Variants in CLPX observed in about 807,000 individuals in gnomAD.
CLPX encodes caseinolytic mitochondrial matrix peptidase chaperone subunit X.
A neutral mutation model predicts 76.4 loss-of-function variants in CLPX; 34 were observed. That is an observed-to-expected ratio of 0.45 (90% confidence interval 0.34 to 0.59). The LOEUF is 0.59. Ranked by LOEUF, CLPX falls within the 20% of genes least tolerant of loss-of-function variation. The pLI is 0.01. For synonymous variants in CLPX, 248 were observed against 270.9 expected, an observed-to-expected ratio of 0.92 and a Z score of 0.83; for missense variants, 613 against 757.0, an observed-to-expected ratio of 0.81 and a Z score of 2.23.
At chr15:65,174,903 C>T (rs1005365472) in intron 3 of CLPX, among the ~76,000 whole-genome samples, 6 of 152,128 alleles carry the variant, frequency 3.9e-5, no homozygotes, top group East Asian at 3.9e-4. Flanking sequence ...GCTCTCAAAA[C>T]GCTGCGTACT....
At position 65,185,030 on chromosome 15, in the gene CLPX, C is replaced by A. The variant is rs76636977; in HGVS notation, c.79+45G>T. 5.6e-4 allele frequency: 829 copies of A among 1,490,000 alleles called. 11 individuals carry two copies. In the South Asian group the frequency reaches 7.7e-3, roughly 14 times the overall value. The allele number at this position is 1,490,000 out of a possible 1,614,324, so 92.3% of individuals were successfully genotyped here. ...CCCCCAACCATTGGCCAGTCCACCC[C>A]CCCCCCGACAGGCTGAGGGCTCAGG... On this transcript the variant is annotated intron_variant, in intron 1 of 13. Coordinates refer to ENST00000300107, the MANE Select transcript of CLPX (RefSeq NM_006660.5).
chr15:65,171,628 GAT>G (rs944048490), intron 3 of CLPX, among the ~76,000 whole-genome samples: 1 of 152,212 alleles, frequency 6.6e-6, no homozygotes, highest in African/African-American at 2.4e-5. Flanking sequence ...CAATGGGAAA[GAT>G]AGTTACTGCC....
intron 3 of CLPX, among the ~76,000 whole-genome samples, chr15:65,167,915 ATATC>A (rs2087939944): frequency 6.6e-6 from 1 of 151,594 alleles, no homozygotes; most frequent in Admixed American, 6.6e-5. Context: ...TAATTATTTC[ATATC>A]TTTCTTATTT....
chr15:65,184,260 A>C (rs956009832), intron 1 of CLPX: 1 of 152,178 alleles, frequency 6.6e-6, no homozygotes, highest in Non-Finnish European at 1.5e-5. Flanking sequence ...GAGGAAGAGA[A>C]AAAAAGTTTA....
intron 1 of CLPX, among the ~76,000 whole-genome samples, chr15:65,183,599 G>T (rs2088212112): frequency 6.6e-6 from 1 of 151,092 alleles, no homozygotes; most frequent in South Asian, 2.1e-4. Flanking sequence ...AAAAGAAAAA[G>T]AAAGAAAACA....
chr15:65,179,900 A>G, intron 2 of CLPX, 144 bp downstream of exon 2: 1 of 491,348 alleles, frequency 2.0e-6, no homozygotes, highest in Non-Finnish European at 3.4e-6. Flanking sequence ...TGAAACATCT[A>G]ATTACATAAA....
At chr15:65,160,633 A>T (rs917458577) in intron 6 of CLPX, among the ~76,000 whole-genome samples, 19 of 150,806 alleles carry the variant, frequency 1.3e-4, no homozygotes, top group South Asian at 2.1e-4. Flanking sequence ...TCACACACAC[A>T]CACACACACA....
chr15:65,157,622 A>C (rs2087805161), intron 8 of CLPX, 124 bp downstream of exon 8: 1 of 931,172 alleles, frequency 1.1e-6, no homozygotes, highest in Non-Finnish European at 1.6e-6. Flanking sequence ...TTATGTAACA[A>C]AGGTACTTTT....
chr15:65,181,969 A>G (rs1208546573), intron 1 of CLPX, among the ~76,000 whole-genome samples: 1 of 151,504 alleles, frequency 6.6e-6, no homozygotes, highest in Non-Finnish European at 1.5e-5. Flanking sequence ...TAAAAATACA[A>G]AAAATTAGCT....
chr15:65,154,683 T>C, intron 11 of CLPX, 99 bp downstream of exon 11: 1 of 855,890 alleles, frequency 1.2e-6, no homozygotes, highest in Non-Finnish European at 1.8e-6. Flanking sequence ...GCTGGTATTC[T>C]AGATGAGCAG....
Position 65,157,960 on chromosome 15 carries a change from CA to C in CLPX, c.893-51del, listed in dbSNP as rs747478469. ...AGTTTACTGAAAATATATTGGCACA[CA>C]ATTTTTCAATAAAAATGCAAAATAA... is the stretch of plus-strand genomic sequence containing the variant. On this transcript the variant is annotated intron_variant, in intron 7 of 13. Transcript: ENST00000300107. 38 of 1,456,310 alleles carry C rather than the reference CA, an allele frequency of 2.6e-5. No individual in the cohort carries two copies. In the East Asian group the frequency reaches 9.3e-4, roughly 36 times the overall value. 90.2% of individuals were successfully genotyped at this position (1,456,310 alleles called of 1,614,324 possible).
intron 1 of CLPX, among the ~76,000 whole-genome samples, chr15:65,180,966 G>A (rs1283260185): frequency 6.6e-5 from 10 of 150,898 alleles, no homozygotes; most frequent in African/African-American, 1.7e-4. Context: ...AAGGTCAGGC[G>A]CGGTGGCTCA....
chr15:65,176,537 T>C (rs1406051747), intron 3 of CLPX, among the ~76,000 whole-genome samples: 1 of 152,194 alleles, frequency 6.6e-6, no homozygotes, highest in Admixed American at 6.5e-5. Flanking sequence ...TGGCATTTAT[T>C]AAATATTAGT....
chr15:65,161,632 G>T (rs60057209), intron 6 of CLPX, among the ~76,000 whole-genome samples: 2,821 of 150,384 alleles, frequency 0.019, 58 homozygotes, highest in African/African-American at 0.048. Context: ...TTTAGTATAG[G>T]TTAACTAGCT....
chr15:65,148,793 T>C lies in CLPX; in HGVS notation c.*2030A>G, dbSNP rs955394172. ...TGATTTAAACAATTTCAAATGAGAT[T>C]AAACTGAATGAATATAGAACTTGTA... is the stretch of plus-strand genomic sequence containing the variant. On this transcript the variant is annotated 3_prime_UTR_variant, in exon 14 of 14. Transcript: ENST00000300107. The C allele has an allele frequency of 4.0e-5, 6 of 151,034 alleles. No homozygotes were observed. The highest frequency in any genetic ancestry group is 5.9e-5 in the Non-Finnish European group (4 of 67,824). 9.4% of individuals were successfully genotyped at this position (151,034 alleles called of 1,614,324 possible).
intron 6 of CLPX, 30 bp from the exon 7 acceptor site, chr15:65,158,781 G>T: frequency 1.3e-6 from 2 of 1,517,852 alleles, no homozygotes; most frequent in Non-Finnish European, 1.8e-6. Flanking sequence ...AATTACTTGA[G>T]CTTCATTTGA....
At chr15:65,172,257 C>G (rs1454571346) in intron 3 of CLPX, among the ~76,000 whole-genome samples, 1 of 152,170 alleles carries the variant, frequency 6.6e-6, no homozygotes, top group Non-Finnish European at 1.5e-5. Context: ...ACCACCATGC[C>G]TGGCCAATGC....
At position 65,149,605 on chromosome 15, in the gene CLPX, C is replaced by T. The variant is rs1488920566; in HGVS notation, c.*1218G>A. 6.7e-6 allele frequency: 3 copies of T among 450,030 alleles called. No homozygotes were observed. The highest frequency in any genetic ancestry group is 8.9e-6 in the Non-Finnish European group (2 of 224,540). 27.9% of individuals were successfully genotyped at this position (450,030 alleles called of 1,614,324 possible). ...GGCCGGGTGTGGTGGCTTACGCCTG[C>T]AATCCCAGCACTTTGGGAGGCTGAG... On this transcript the variant is annotated 3_prime_UTR_variant, in exon 14 of 14. Transcript: ENST00000300107.
chr15:65,180,795 T>G (rs906275487), intron 1 of CLPX, among the ~76,000 whole-genome samples: 2 of 150,378 alleles, frequency 1.3e-5, no homozygotes, highest in African/African-American at 4.9e-5. Context: ...TCCCAGCTAC[T>G]CGGGAGGCTG....
Sources: gnomAD v4.1 joint callset for allele counts (sites outside exome capture counted in the v4.1 genomes callset) on GRCh38, gnomAD v4.1.1 for gene constraint, MANE v1.5 for transcripts, NCBI Gene and HGNC (gene_info 2026-07-23, HGNC 2026-07-21) for gene names.